Variants in CECR2 observed in about 807,000 individuals in gnomAD.
CECR2 encodes chromatin remodeling regulator CECR2.
Under a neutral mutation model 154.5 loss-of-function variants are expected in CECR2, and 30 were observed. The ratio of observed to expected loss-of-function variants is 0.19; its 90% CI spans 0.15 to 0.26. The LOEUF (loss-of-function observed/expected upper bound fraction) is 0.26, where lower values mean the gene tolerates loss of function less well. Among genes scored for constraint, CECR2 ranks in the 10% least tolerant of loss-of-function variants. The pLI, the probability that CECR2 is intolerant of heterozygous loss-of-function variation, is 1.00. For synonymous variants in CECR2, 725 were observed against 683.7 expected (o/e 1.06, Z -0.94); for missense variants, 1,743 against 1,829.3 (o/e 0.95, Z 0.86).
In CECR2 at chr22:17,442,267, A is replaced by T. The variant is rs1028123014; in HGVS notation, c.127-35321A>T. Among the ~76,000 whole-genome samples the T allele has an allele frequency of 3.3e-4, 51 of 152,278 alleles. 1 individual carries two copies. The highest frequency in any genetic ancestry group is 3.4e-3 in the Middle Eastern group (1 of 294). On this transcript the variant is annotated intron_variant, in intron 1 of 18. Coordinates refer to ENST00000262608, the MANE Select transcript of CECR2 (RefSeq NM_001290047.2). ...GAATCCATGGTGAGGGAAGCTTATT[A>T]AAAAATGCAGATCAGGCCAGGTGTG... is the stretch of plus-strand genomic sequence containing the variant.
At chr22:17,443,092 C>T (rs2054608776) in intron 1 of CECR2, among the ~76,000 whole-genome samples, 1 of 152,002 alleles carries the variant, frequency 6.6e-6, no homozygotes, top group Admixed American at 6.6e-5. Context: ...TTTCTTTGTA[C>T]TGTTTGCTTC....
intron 1 of CECR2, among the ~76,000 whole-genome samples, chr22:17,395,346 TTC>T (rs1370906854): frequency 1.3e-5 from 2 of 150,962 alleles, no homozygotes; most frequent in Non-Finnish European, 2.9e-5. Context: ...ATCTTACATA[TTC>T]TCTCTTTTTT....
chr22:17,435,211 T>C (rs530898246), intron 1 of CECR2, among the ~76,000 whole-genome samples: 12 of 148,130 alleles, frequency 8.1e-5, no homozygotes, highest in South Asian at 4.4e-4. Flanking sequence ...TTCTTTCTTT[T>C]TTTTTAATGT....
At chr22:17,443,686 G>A (rs2054616201) in intron 1 of CECR2, among the ~76,000 whole-genome samples, 1 of 152,198 alleles carries the variant, frequency 6.6e-6, no homozygotes, top group African/African-American at 2.4e-5. Context: ...GTGCACCACT[G>A]TTGTCTTTAG....
chr22:17,460,453 G>A (rs746472139), intron 1 of CECR2, among the ~76,000 whole-genome samples: 22 of 152,268 alleles, frequency 1.4e-4, no homozygotes, highest in African/African-American at 2.4e-4. Flanking sequence ...CAGGTGATCC[G>A]CCCGTCTCGG....
At chr22:17,374,018 C>A (rs2063089735) in intron 1 of CECR2, among the ~76,000 whole-genome samples, 1 of 152,192 alleles carries the variant, frequency 6.6e-6, no homozygotes, top group Admixed American at 6.5e-5. Flanking sequence ...TACAGTGTCT[C>A]ACTTGAGTAA....
chr22:17,545,220 C>T (rs1050716078), intron 16 of CECR2, among the ~76,000 whole-genome samples: 2 of 150,848 alleles, frequency 1.3e-5, no homozygotes, highest in Admixed American at 1.3e-4. Flanking sequence ...ACTAAAAATA[C>T]AAAAATTAGC....
At chr22:17,448,981 T>G (rs933802887) in intron 1 of CECR2, among the ~76,000 whole-genome samples, 1 of 151,878 alleles carries the variant, frequency 6.6e-6, no homozygotes, top group Non-Finnish European at 1.5e-5. Context: ...TGGATTCAAG[T>G]GATTCTTTTG....
intron 1 of CECR2, among the ~76,000 whole-genome samples, chr22:17,462,782 G>A (rs2054963201): frequency 6.6e-6 from 1 of 152,060 alleles, no homozygotes; most frequent in South Asian, 2.1e-4. Context: ...GTGTGGTGGC[G>A]AGCACCTGTA....
intron 16 of CECR2, among the ~76,000 whole-genome samples, chr22:17,547,135 G>A (rs1255315107): frequency 6.6e-6 from 1 of 151,580 alleles, no homozygotes; most frequent in Non-Finnish European, 1.5e-5. Context: ...CTTATTTTTA[G>A]GTCGAATAGT....
chr22:17,477,037 C>G (rs1309141034), intron 1 of CECR2: 2 of 698,316 alleles, frequency 2.9e-6, no homozygotes, highest in Non-Finnish European at 5.4e-6. Flanking sequence ...TCGCAATCAC[C>G]TTTCATCAGC....
At chr22:17,539,393 C>T (rs1478103113) in intron 13 of CECR2, among the ~76,000 whole-genome samples, 4 of 152,114 alleles carry the variant, frequency 2.6e-5, no homozygotes, top group East Asian at 1.9e-4. Context: ...CTTTAACCAC[C>T]GAGGGGACTG....
intron 1 of CECR2, among the ~76,000 whole-genome samples, chr22:17,443,602 CA>C (rs1243898961): frequency 6.6e-6 from 1 of 152,188 alleles, no homozygotes; most frequent in African/African-American, 2.4e-5. Flanking sequence ...TTAGCAGCTT[CA>C]GTTGTCTGAA....
chr22:17,534,510 T>TA (rs1272481598), intron 9 of CECR2, among the ~76,000 whole-genome samples: 2 of 151,822 alleles, frequency 1.3e-5, no homozygotes, highest in African/African-American at 4.8e-5. Flanking sequence ...TTTATTTATT[T>TA]ATTTATTTAT....
rs572545145 is a variant in CECR2, at chr22:17,475,589, G to A, written c.127-1999G>A. Among the ~76,000 whole-genome samples, 7 of 152,168 alleles carry A rather than the reference G, an allele frequency of 4.6e-5. No homozygotes were observed. In the South Asian group the frequency reaches 6.2e-4, roughly 14 times the overall value. ...ACTGTAGGCATGCACCACCACACCC[G>A]GCTAGTTTCTACATCTTTAAATTGA... On this transcript the variant is annotated intron_variant, in intron 1 of 18. Coordinates refer to ENST00000262608, the MANE Select transcript of CECR2 (RefSeq NM_001290047.2).
At chr22:17,381,774 T>C (rs1302285152) in intron 1 of CECR2, among the ~76,000 whole-genome samples, 1 of 151,994 alleles carries the variant, frequency 6.6e-6, no homozygotes, top group Non-Finnish European at 1.5e-5. Context: ...GCTGTAAGAG[T>C]TCAGAGGAAG....
intron 8 of CECR2, among the ~76,000 whole-genome samples, chr22:17,521,054 CCAA>C (rs1000214802): frequency 6.5e-4 from 99 of 152,294 alleles, no homozygotes; most frequent in African/African-American, 2.3e-3. Flanking sequence ...TACACTCCCA[CCAA>C]CAGCGTAAAA....
At chr22:17,481,039 CTTTTT>C (rs369579628) in intron 2 of CECR2, among the ~76,000 whole-genome samples, 18 of 100,056 alleles carry the variant, frequency 1.8e-4, no homozygotes, top group Non-Finnish European at 2.6e-4. Context: ...GACTCCATCT[CTTTTT>C]TTTTTAAAAA....
At chr22:17,460,270 C>T (rs140851800) in intron 1 of CECR2, among the ~76,000 whole-genome samples, 149 of 152,310 alleles carry the variant, frequency 9.8e-4, no homozygotes, top group African/African-American at 3.5e-3. Context: ...AGGACAATGG[C>T]ATGATCTTGG....
Sources: allele counts gnomAD v4.1 joint callset (sites outside exome capture counted in the v4.1 genomes callset), GRCh38; gene constraint gnomAD v4.1.1; transcripts MANE v1.5; gene names NCBI Gene and HGNC (gene_info 2026-07-23, HGNC 2026-07-21).